NLN: variants seen among roughly 807,000 people sequenced by gnomAD.
NLN encodes neurolysin.
Under a neutral mutation model 79.9 loss-of-function variants are expected in NLN, and 64 were observed. The ratio of observed to expected loss-of-function variants is 0.80; its 90% CI spans 0.65 to 0.99. NLN has a LOEUF of 0.99. Ranked by LOEUF, NLN falls within the 50% of genes least tolerant of loss-of-function variation. The probability of loss-of-function intolerance (pLI) is 0.00; values close to 1 mark genes in which losing one functional copy is unlikely to be tolerated. For missense variants in NLN, 835 were observed against 858.7 expected, an observed-to-expected ratio of 0.97 and a Z score of 0.34; for synonymous variants, 267 against 296.6, an observed-to-expected ratio of 0.90 and a Z score of 1.02.
chr5:65,726,624 G>T (rs1219646452), intron 1 of NLN, among the ~76,000 whole-genome samples: 1 of 152,100 alleles, frequency 6.6e-6, no homozygotes, highest in Non-Finnish European at 1.5e-5. Context: ...CCGATATGTG[G>T]TATTAGATTC....
In NLN at chr5:65,733,593, G is replaced by A. The variant is rs1230972377; in HGVS notation, c.41+11179G>A. The A allele has an allele frequency of 2.3e-5, 35 of 1,499,530 alleles. 5 individuals carry two copies. Among genetic ancestry groups the A allele is most frequent in the African/African-American group, 3.0e-5 (2 of 67,188 alleles). 92.9% of individuals were successfully genotyped at this position (1,499,530 alleles called of 1,614,324 possible). A position where few individuals can be genotyped will look rare whatever the true frequency, so the allele number is the denominator to read the frequency against. ...GCCCAAGAGGATCTTTTTTGGTCCC[G>A]TCCCCTGCCCTTCCTGTGGCTCATG... On this transcript the variant is annotated intron_variant, in intron 1 of 12. Coordinates refer to ENST00000380985, the MANE Select transcript of NLN (RefSeq NM_020726.5).
intron 9 of NLN, among the ~76,000 whole-genome samples, chr5:65,794,766 A>G (rs1225325807): frequency 6.6e-6 from 1 of 152,186 alleles, no homozygotes; most frequent in Non-Finnish European, 1.5e-5. Context: ...GTGCAGAATC[A>G]GTCCTGTGCA....
chr5:65,777,493 G>T lies in NLN; in HGVS notation c.517G>T (p.Gly173Trp). The T allele has an allele frequency of 6.2e-7, 1 of 1,613,010 alleles. No homozygotes were observed. The highest frequency in any genetic ancestry group is 1.7e-5 in the Admixed American group (1 of 59,994). The change falls in exon 4 of 13, where the codon GGG (glycine) becomes TGG (tryptophan). Residue 173 changes from glycine (G) to tryptophan (W), a missense_variant. Physicochemically the swap from Gly to Trp is radical, Grantham distance 184. Transcript: ENST00000380985. ...ATACTTGGAAAAGTCAATTAAAATG[G>T]GGAAAAGAAATGGGCTCCATCTTCC... ...RRYLEKSIKM[G>W]KRNGLHLPEQ...
chr5:65,738,068 G>T (rs114726967), intron 1 of NLN, among the ~76,000 whole-genome samples: 1 of 151,398 alleles, frequency 6.6e-6, no homozygotes, highest in Non-Finnish European at 1.5e-5. Flanking sequence ...GGCGGAGGTT[G>T]CAGTGAGCCA....
intron 9 of NLN, among the ~76,000 whole-genome samples, chr5:65,797,199 C>T (rs1046481948): frequency 6.6e-6 from 1 of 152,146 alleles, no homozygotes; most frequent in African/African-American, 2.4e-5. Context: ...AATAGTAATG[C>T]CTCTTAGCCT....
chr5:65,743,623 A>C (rs1758913844), intron 1 of NLN, among the ~76,000 whole-genome samples: 1 of 152,242 alleles, frequency 6.6e-6, no homozygotes, highest in African/African-American at 2.4e-5. Context: ...GTGCAGAATG[A>C]GAGATGGAGA....
intron 12 of NLN, among the ~76,000 whole-genome samples, chr5:65,819,460 C>G (rs1542168): frequency 6.6e-6 from 1 of 152,122 alleles, no homozygotes; most frequent in Non-Finnish European, 1.5e-5. Flanking sequence ...GATTCAAACC[C>G]GGGCCTGAGT....
intron 12 of NLN, among the ~76,000 whole-genome samples, chr5:65,819,214 A>G (rs1257484344): frequency 1.3e-5 from 2 of 152,210 alleles, no homozygotes; most frequent in Non-Finnish European, 2.9e-5. Context: ...TGAACTGTAT[A>G]TAAGTAACTG....
At chr5:65,760,925 T>C (rs1387124887) in intron 2 of NLN, among the ~76,000 whole-genome samples, 1 of 152,246 alleles carries the variant, frequency 6.6e-6, no homozygotes, top group Non-Finnish European at 1.5e-5. Context: ...CTTGCTCCTC[T>C]ATAAATTTAT....
chr5:65,809,512 T>TA lies in NLN; in HGVS notation c.1528-2dup. On this transcript the variant is annotated splice_polypyrimidine_tract_variant and splice_region_variant and intron_variant, in intron 9 of 12. Coordinates refer to ENST00000380985, the MANE Select transcript of NLN (RefSeq NM_020726.5). The stretch of plus-strand genomic sequence containing the variant: ...AAAAAAATTCTCTGTGTTTGCTTTC[T>TA]AGACTGATTTTGCACGATTTAGCGG... 1 of 1,588,972 alleles carries TA rather than the reference T, an allele frequency of 6.3e-7. No homozygotes were observed. Among genetic ancestry groups the TA allele is most frequent in the South Asian group, 1.2e-5 (1 of 86,642 alleles).
At chr5:65,812,122 G>A (rs375844813) in intron 11 of NLN, 133 bp from the exon 12 acceptor site, 27 of 732,378 alleles carry the variant, frequency 3.7e-5, no homozygotes, top group East Asian at 1.0e-4. Flanking sequence ...AGCCCAAGGA[G>A]TACTAGAGGT....
intron 8 of NLN, among the ~76,000 whole-genome samples, chr5:65,792,057 T>C (rs531419912): frequency 6.6e-6 from 1 of 152,360 alleles, no homozygotes; most frequent in Non-Finnish European, 1.5e-5. Flanking sequence ...CCGATTTTAA[T>C]GAAAAGGCTG....
chr5:65,823,950 A>G lies in NLN; in HGVS notation c.*1035A>G, dbSNP rs538673889. 5 of 152,316 alleles carry G rather than the reference A, an allele frequency of 3.3e-5. No homozygotes were observed. The highest frequency in any genetic ancestry group is 1.2e-4 in the African/African-American group (5 of 41,560). The allele number at this position is 152,316 out of a possible 1,614,324, so 9.4% of individuals were successfully genotyped here. A position where few individuals can be genotyped will look rare whatever the true frequency, so the allele number is the denominator to read the frequency against. On this transcript the variant is annotated 3_prime_UTR_variant, in exon 13 of 13. Transcript: ENST00000380985. Reference sequence around the variant, plus strand: ...TCCAAAGCCTTATGTGTATGATGAAACTTAACCACGGGGAAGAGACTCTTC... The same window carrying G: ...TCCAAAGCCTTATGTGTATGATGAAGCTTAACCACGGGGAAGAGACTCTTC...
intron 1 of NLN, among the ~76,000 whole-genome samples, chr5:65,755,021 C>A (rs1030940153): frequency 3.3e-5 from 5 of 152,124 alleles, no homozygotes; most frequent in Admixed American, 2.6e-4. Context: ...CCCTTGAAGT[C>A]TTAAATTCAG....
chr5:65,810,036 G>A lies in NLN; in HGVS notation c.1715-1G>A. On this transcript the variant is annotated splice_acceptor_variant, in intron 10 of 12. Coordinates refer to ENST00000380985, the MANE Select transcript of NLN (RefSeq NM_020726.5). LOFTEE classifies it high-confidence loss of function. ...ATGCCCAAACATTCTTATGTTATTA[G>A]GTCTTCTGACCCTGCGCCAGATTGT... The A allele has an allele frequency of 6.2e-7, 1 of 1,613,670 alleles. No individual in the cohort carries two copies. The highest frequency in any genetic ancestry group is 1.1e-5 in the South Asian group (1 of 91,068).
chr5:65,792,670 T>A lies in NLN; in HGVS notation c.1527+15T>A. The A allele has an allele frequency of 6.3e-7, 1 of 1,584,196 alleles. No individual in the cohort carries two copies. Among genetic ancestry groups the A allele is most frequent in the Non-Finnish European group, 8.7e-7 (1 of 1,154,292 alleles). On this transcript the variant is annotated intron_variant, in intron 9 of 12. Transcript: ENST00000380985. ...TTTGTGCACAGGTGAGTTTTTTTTT[T>A]CCCCCAGTAAACCTGCCAATTAGTT...
chr5:65,744,066 T>G (rs1758922800), intron 1 of NLN, among the ~76,000 whole-genome samples: 1 of 152,248 alleles, frequency 6.6e-6, no homozygotes, highest in Non-Finnish European at 1.5e-5. Flanking sequence ...ATTTCATTAT[T>G]ATTTTTAGAG....
At chr5:65,749,272 T>C (rs570125630) in intron 1 of NLN, among the ~76,000 whole-genome samples, 1 of 152,374 alleles carries the variant, frequency 6.6e-6, no homozygotes, top group African/African-American at 2.4e-5. Flanking sequence ...AAGAGTTTAG[T>C]TGATGACAGC....
chr5:65,822,369 T>C (rs1760821949), intron 12 of NLN, among the ~76,000 whole-genome samples: 1 of 148,792 alleles, frequency 6.7e-6, no homozygotes, highest in Non-Finnish European at 1.5e-5. Flanking sequence ...CATTTGACAG[T>C]AGCCATGCTA....
Sources: allele counts gnomAD v4.1 joint callset (sites outside exome capture counted in the v4.1 genomes callset), GRCh38; gene constraint gnomAD v4.1.1; transcripts MANE v1.5; gene names NCBI Gene and HGNC (gene_info 2026-07-23, HGNC 2026-07-21).